The following DNAH11 variants were observed in gnomAD, a reference collection of about 807,000 sequenced individuals.
DNAH11 encodes the protein axonemal beta dynein heavy chain 11.
Under a neutral mutation model 526.0 loss-of-function variants are expected in DNAH11, and 442 were observed. The ratio of observed to expected loss-of-function variants is 0.84; its 90% CI spans 0.78 to 0.91. DNAH11 has a LOEUF of 0.91. Among genes scored for constraint, DNAH11 ranks in the 40% least tolerant of loss-of-function variants. The pLI, the probability that DNAH11 is intolerant of heterozygous loss-of-function variation, is 0.00. For synonymous variants in DNAH11, 2,461 were observed against 1,935.9 expected (o/e 1.27, Z -7.12); for missense variants, 6,989 against 5,448.7 (o/e 1.28, Z -8.90).
At chr7:21,589,472 C>T (rs1784598883) in intron 12 of DNAH11, 69 bp downstream of exon 12, 2 of 1,302,246 alleles carry the variant, frequency 1.5e-6, no homozygotes, top group Admixed American at 4.8e-5. Flanking sequence ...CTGATATTTC[C>T]AGTCATTTGT....
rs146025395 is a variant in DNAH11 at position 21,766,513 on chromosome 7, T to G, written c.9102+924T>G. 3.5e-3 allele frequency among the ~76,000 whole-genome samples: 527 copies of G among 152,314 alleles called. 4 individuals are homozygous for G. The highest frequency in any genetic ancestry group is 0.012 in the African/African-American group (506 of 41,570). ...TCTGTTTCTAGTTGAAAGATTATCA[T>G]GAACAGGTACAACCCATTGTAGCCC... On this transcript the variant is annotated intron_variant, in intron 55 of 81. Transcript: ENST00000409508.
chr7:21,862,276 G>A (rs1296063796), intron 69 of DNAH11, among the ~76,000 whole-genome samples: 2 of 151,762 alleles, frequency 1.3e-5, no homozygotes, highest in Admixed American at 6.6e-5. Context: ...CTACCACAGC[G>A]GTCACCCTGA....
rs957107807 is a variant in DNAH11 at position 21,564,519 on chromosome 7, A to G, written c.1194+122A>G. The G allele has an allele frequency of 8.4e-6, 6 of 710,886 alleles. No homozygotes were observed. The Admixed American group carries it at 1.4e-4, about 16-fold the overall frequency. 44.0% of individuals were successfully genotyped at this position (710,886 alleles called of 1,614,324 possible). ...CATCTTTCTTTTTCTTTTTTCAGAAAGGACATTTTTGGTAACAAAGGCCAG... is the reference window on the plus strand; with the variant it reads ...CATCTTTCTTTTTCTTTTTTCAGAAGGGACATTTTTGGTAACAAAGGCCAG... On this transcript the variant is annotated intron_variant, in intron 6 of 81. Coordinates refer to ENST00000409508, the MANE Select transcript of DNAH11 (RefSeq NM_001277115.2).
At chr7:21,581,669 C>T (rs558047582) in intron 8 of DNAH11, among the ~76,000 whole-genome samples, 11 of 152,272 alleles carry the variant, frequency 7.2e-5, no homozygotes, top group East Asian at 3.9e-4. Flanking sequence ...TGAAAAGAAT[C>T]GGGAAAGCAT....
chr7:21,555,373 GTCT>G (rs1190160548), intron 2 of DNAH11, among the ~76,000 whole-genome samples: 1 of 152,198 alleles, frequency 6.6e-6, no homozygotes, highest in African/African-American at 2.4e-5. Flanking sequence ...GTCAGAGGGA[GTCT>G]CTTTGGCTCC....
rs759163416 is a variant in DNAH11 at position 21,675,270 on chromosome 7, C to T, written c.5329-6276C>T. ...CCTTACACACCCCTCCTTCCTATGCCGCCCACTCCTGCCATGGGTGACCTC... is the reference window on the plus strand; with the variant it reads ...CCTTACACACCCCTCCTTCCTATGCTGCCCACTCCTGCCATGGGTGACCTC... On this transcript the variant is annotated intron_variant, in intron 30 of 81. Coordinates refer to ENST00000409508, the MANE Select transcript of DNAH11 (RefSeq NM_001277115.2). 1.9e-4 allele frequency among the ~76,000 whole-genome samples: 29 copies of T among 152,292 alleles called. No homozygotes were observed. In the East Asian group the frequency reaches 4.1e-3, roughly 21 times the overall value.
chr7:21,611,755 A>C (rs1785531315), intron 20 of DNAH11, among the ~76,000 whole-genome samples: 1 of 152,234 alleles, frequency 6.6e-6, no homozygotes, highest in Admixed American at 6.5e-5. Flanking sequence ...GTAGTGGATG[A>C]TGTCTTTCAA....
chr7:21,724,777 T>A (rs59432288), intron 44 of DNAH11, among the ~76,000 whole-genome samples: 3,289 of 71,282 alleles, frequency 0.046, 49 homozygotes, highest in South Asian at 0.055. Context: ...AATATAGGAG[T>A]CACTGGGCCA....
intron 8 of DNAH11, among the ~76,000 whole-genome samples, chr7:21,574,174 T>C (rs1374587801): frequency 6.6e-6 from 1 of 152,216 alleles, no homozygotes; most frequent in African/African-American, 2.4e-5. Context: ...ATTATTAATG[T>C]TGAACAGTTA....
At chr7:21,659,877 T>C (rs1482595357) in intron 30 of DNAH11, among the ~76,000 whole-genome samples, 1 of 152,144 alleles carries the variant, frequency 6.6e-6, no homozygotes, top group Non-Finnish European at 1.5e-5. Context: ...CATTTGAAGA[T>C]TCAAGTGTGG....
chr7:21,750,159 A>T (rs1215825349), intron 53 of DNAH11, 63 bp from the exon 54 acceptor site: 17 of 1,494,702 alleles, frequency 1.1e-5, no homozygotes, highest in Non-Finnish European at 2.7e-6. Flanking sequence ...AAACGTTTAA[A>T]AGTTATATGT....
At chr7:21,858,030 A>T (rs1782918620) in intron 68 of DNAH11, among the ~76,000 whole-genome samples, 1 of 152,214 alleles carries the variant, frequency 6.6e-6, no homozygotes, top group Non-Finnish European at 1.5e-5. Flanking sequence ...TATATATAAA[A>T]CAAAGAATTT....
rs549953657 is a variant in DNAH11, at chr7:21,710,593, C to G, written c.6724C>G (p.Leu2242Val). ...SYFIGLFSSI[L>V]REQANLKHDG... ...TTTTATAGGTCTCTTCTCATCCATT[C>G]TACGAGAACAAGCAAATCTTAAGCA... The change falls in exon 41 of 82, where the codon CTA becomes GTA. Residue 2242 changes from leucine (L) to valine (V), a missense_variant. Leu to Val is a conservative substitution (Grantham distance 32). Coordinates refer to ENST00000409508, the MANE Select transcript of DNAH11 (RefSeq NM_001277115.2). 5.6e-5 allele frequency: 91 copies of G among 1,612,422 alleles called. No individual in the cohort carries two copies. In the East Asian group the frequency reaches 6.9e-4, roughly 12 times the overall value.
At chr7:21,800,822 T>A (rs1283892644) in intron 61 of DNAH11, among the ~76,000 whole-genome samples, 1 of 152,148 alleles carries the variant, frequency 6.6e-6, no homozygotes, top group East Asian at 1.9e-4. Context: ...CAGAGGGGGA[T>A]GATAGTGCAC....
chr7:21,865,635 A>G (rs770932516), intron 70 of DNAH11, among the ~76,000 whole-genome samples: 3 of 152,194 alleles, frequency 2.0e-5, no homozygotes, highest in Non-Finnish European at 2.9e-5. Flanking sequence ...CCACATTCCC[A>G]CGAGAAAGAG....
intron 61 of DNAH11, among the ~76,000 whole-genome samples, chr7:21,798,292 C>G (rs909467694): frequency 7.9e-5 from 12 of 152,154 alleles, no homozygotes; most frequent in African/African-American, 2.9e-4. Flanking sequence ...GATGGAGTTT[C>G]ACCCTGCTGG....
chr7:21,708,516 C>A (rs747215301), intron 40 of DNAH11, among the ~76,000 whole-genome samples: 3 of 152,042 alleles, frequency 2.0e-5, no homozygotes, highest in Non-Finnish European at 4.4e-5. Flanking sequence ...CTAAAGCAGA[C>A]AGAGGGGCTT....
intron 25 of DNAH11, among the ~76,000 whole-genome samples, chr7:21,627,719 C>T (rs932881681): frequency 6.6e-5 from 10 of 152,128 alleles, no homozygotes; most frequent in Admixed American, 1.3e-4. Flanking sequence ...TTTGATGCCT[C>T]TAGCTTTGTT....
intron 77 of DNAH11, among the ~76,000 whole-genome samples, chr7:21,894,278 C>G (rs1001441186): frequency 6.6e-6 from 1 of 152,116 alleles, no homozygotes; most frequent in Non-Finnish European, 1.5e-5. Flanking sequence ...TTCCTCTGAT[C>G]ATATCTTTAC....
Sources: allele counts gnomAD v4.1 joint callset (sites outside exome capture counted in the v4.1 genomes callset), GRCh38; gene constraint gnomAD v4.1.1; transcripts MANE v1.5; gene names NCBI Gene and HGNC (gene_info 2026-07-23, HGNC 2026-07-21).